SCLY: variants seen among roughly 807,000 people sequenced by gnomAD.
SCLY encodes selenocysteine lyase.
A neutral mutation model predicts 50.1 loss-of-function variants in SCLY; 38 were observed. The ratio of observed to expected loss-of-function variants is 0.76; its 90% CI spans 0.59 to 0.99. The LOEUF is 0.99. SCLY is among the 50% of genes least tolerant of loss of function. SCLY has a pLI of 0.00. For synonymous variants in SCLY, 243 were observed against 249.4 expected (o/e 0.97, Z 0.24); for missense variants, 600 against 620.0 (o/e 0.97, Z 0.34).
intron 8 of SCLY, chr2:238,091,560 G>GC: frequency 1.8e-4 from 57 of 313,322 alleles, no homozygotes; most frequent in South Asian, 3.6e-4. Flanking sequence ...CATTCCCAAA[G>GC]GCGTCGGCAG....
chr2:238,093,519 G>C (rs2065391179), intron 8 of SCLY: 1 of 313,660 alleles, frequency 3.2e-6, no homozygotes, highest in South Asian at 4.1e-5. Context: ...TTGGGCCTGC[G>C]AGGTGCCTTC....
At chr2:238,093,771 C>A in intron 8 of SCLY, 90 bp from the exon 9 acceptor site, 1 of 1,214,524 alleles carries the variant, frequency 8.2e-7, no homozygotes, top group South Asian at 1.3e-5. Context: ...TGAGCAGTTT[C>A]AGGAAATGCC....
chr2:238,073,938 A>T, intron 4 of SCLY: 1 of 311,940 alleles, frequency 3.2e-6, no homozygotes, highest in East Asian at 8.7e-5. Context: ...TATAATATAC[A>T]AAATATGTGT....
At chr2:238,091,540 GC>G in intron 8 of SCLY, 5 of 358,324 alleles carry the variant, frequency 1.4e-5, no homozygotes, top group South Asian at 8.7e-5. Context: ...GTGTCAAGCT[GC>G]AGGTTCACCA....
Position 238,064,458 on chromosome 2 carries a change from C to T in SCLY, c.191C>T (p.Pro64Leu), listed in dbSNP as rs769529884. Residue 64 changes from proline to leucine, a missense_variant, in exon 2 of 12, where the codon CCG becomes CTG. Transcript: ENST00000254663. ...GAAGCCTGGGGAAATCCCAGCAGCC[C>T]GTATTCAGCAGGTAATTCTAGAAGA... ...MWEAWGNPSSPYSAGRKAKDI... is the reference protein window; with the variant it reads ...MWEAWGNPSSLYSAGRKAKDI... 2.2e-5 allele frequency: 36 copies of T among 1,604,762 alleles called. No individual in the cohort carries two copies. Among genetic ancestry groups the T allele is most frequent in the Non-Finnish European group, 3.0e-5 (35 of 1,175,912 alleles).
chr2:238,069,208 C>A lies in SCLY; in HGVS notation c.304-89C>A. 8.2e-7 allele frequency: 1 copy of A among 1,222,810 alleles called. No individual in the cohort carries two copies. The highest frequency in any genetic ancestry group is 1.1e-6 in the Non-Finnish European group (1 of 883,180). 75.7% of individuals were successfully genotyped at this position (1,222,810 alleles called of 1,614,324 possible). A position where few individuals can be genotyped will look rare whatever the true frequency, so the allele number is the denominator to read the frequency against. On this transcript the variant is annotated intron_variant, in intron 3 of 11. Coordinates refer to ENST00000254663, the MANE Select transcript of SCLY (RefSeq NM_016510.7). The surrounding 1 kb of genome is among the most constrained non-coding windows in gnomAD (Gnocchi z 5.0). ...TCTTTGAAGCTTTTTTGATGTTAGC[C>A]ACAAAAGAAATTAAGTAACAGAAAT...
In SCLY at chr2:238,094,509, A is replaced by C; in HGVS notation, c.1095A>C (p.Gly365=). Reference sequence around the variant, plus strand: ...ATACCTGTAACTTTTCCATCCGGGGACCCCGGCTTCAAGGTGATGGCCCCT... The same window carrying C: ...ATACCTGTAACTTTTCCATCCGGGGCCCCCGGCTTCAAGGTGATGGCCCCT... ...LPNTCNFSIR[G]PRLQGHVVLA... is the part of the protein sequence containing the mutation. The change falls in exon 10 of 12, where the codon GGA becomes GGC. Residue 365 remains glycine, a synonymous_variant. Coordinates refer to ENST00000254663, the MANE Select transcript of SCLY (RefSeq NM_016510.7). 6.2e-7 allele frequency: 1 copy of C among 1,613,572 alleles called. No individual in the cohort carries two copies. Among genetic ancestry groups the C allele is most frequent in the Non-Finnish European group, 8.5e-7 (1 of 1,179,748 alleles).
intron 10 of SCLY, chr2:238,095,673 T>A (rs571552195): frequency 1.1e-4 from 16 of 152,366 alleles, no homozygotes; most frequent in African/African-American, 3.8e-4. Flanking sequence ...GTTCCCCTTG[T>A]TCTGGGGTCA....
Position 238,098,279 on chromosome 2 carries a change from G to A in SCLY, c.1262G>A (p.Ser421Asn), listed in dbSNP as rs752788709. The A allele has an allele frequency of 6.2e-7, 1 of 1,610,064 alleles. No homozygotes were observed. The highest frequency in any genetic ancestry group is 8.5e-7 in the Non-Finnish European group (1 of 1,179,664). Residue 421 changes from serine to asparagine, a missense_variant, in exon 12 of 12, where the codon AGC becomes AAC. Coordinates refer to ENST00000254663, the MANE Select transcript of SCLY (RefSeq NM_016510.7). ...RNALRLSVGR[S>N]TTRAEVDLVV... ...GCGCTCCGGCTCAGCGTGGGCCGCA[G>A]CACCACCAGGGCCGAGGTGGACCTC...
At position 238,093,910 on chromosome 2, in the gene SCLY, G is replaced by C; in HGVS notation, c.971G>C (p.Arg324Thr). ...TGCGAGGCTTATGAGGCCCACATGA[G>C]GGACGTCCGCGACTACCTGGAAGAG... ...QNCEAYEAHM[R>T]DVRDYLEERL... Residue 324 changes from arginine (R) to threonine (T), a missense_variant, in exon 9 of 12, where the codon AGG becomes ACG. Arg to Thr is a moderately conservative substitution (Grantham distance 71). Transcript: ENST00000254663. 1.2e-6 allele frequency: 2 copies of C among 1,614,012 alleles called. No homozygotes were observed. Among genetic ancestry groups the C allele is most frequent in the Non-Finnish European group, 1.7e-6 (2 of 1,180,012 alleles).
intron 1 of SCLY, chr2:238,061,432 C>T: frequency 1.8e-6 from 1 of 569,884 alleles, no homozygotes; most frequent in Non-Finnish European, 3.3e-6. Flanking sequence ...AGGAAGAGGG[C>T]ACAGCAGATG....
At chr2:238,084,839 A>G (rs2065275233) in intron 7 of SCLY, among the ~76,000 whole-genome samples, 1 of 148,606 alleles carries the variant, frequency 6.7e-6, no homozygotes, top group South Asian at 2.1e-4. Flanking sequence ...GGTTGCACTG[A>G]GTCGAGATCG....
chr2:238,093,723 A>C, intron 8 of SCLY, 138 bp from the exon 9 acceptor site: 1 of 789,294 alleles, frequency 1.3e-6, no homozygotes. Flanking sequence ...AAATGGCAGC[A>C]CTCAAAAAAT....
At chr2:238,062,943 A>G (rs1380538234) in intron 1 of SCLY, among the ~76,000 whole-genome samples, 2 of 152,210 alleles carry the variant, frequency 1.3e-5, no homozygotes, top group East Asian at 3.8e-4. Flanking sequence ...ATACAGATAA[A>G]TTTTACTTAG....
At chr2:238,087,654 TTATGAAGC>T (rs369759002) in intron 7 of SCLY, among the ~76,000 whole-genome samples, 272 of 152,306 alleles carry the variant, frequency 1.8e-3, no homozygotes, top group African/African-American at 6.3e-3. Context: ...CCAGTTCATT[TTATGAAGC>T]TAGTATTATC....
In SCLY at chr2:238,081,730, C is replaced by T. The variant is rs765578295; in HGVS notation, c.506C>T (p.Ser169Phe). ...QVAAVTFVPV[S>F]KVSGQAEVDD... ...CCAGCGGTCACCTTTGTCCCGGTGTCCAAGGTGAGCGGGCAGGCAGAGGTG... is the reference window on the plus strand; with the variant it reads ...CCAGCGGTCACCTTTGTCCCGGTGTTCAAGGTGAGCGGGCAGGCAGAGGTG... The change falls in exon 5 of 12, where the codon TCC (serine) becomes TTC (phenylalanine). Residue 169 changes from serine (S) to phenylalanine (F), a missense_variant. Transcript: ENST00000254663. 2 of 1,614,222 alleles carry T rather than the reference C, an allele frequency of 1.2e-6. No homozygotes were observed. The highest frequency in any genetic ancestry group is 1.7e-6 in the Non-Finnish European group (2 of 1,180,036).
In SCLY at chr2:238,067,373, A is replaced by G. The variant is rs535769270; in HGVS notation, c.203-692A>G. On this transcript the variant is annotated intron_variant, in intron 2 of 11. Coordinates refer to ENST00000254663, the MANE Select transcript of SCLY (RefSeq NM_016510.7). This position sits in a 1 kb window ranked among gnomAD's most constrained non-coding sequence, Gnocchi z 4.3. ...CTGCTCAATTTTTTCTTATTTTTAA[A>G]TAAGACTGAATGGTCAAAAAAGTTT... Among the ~76,000 whole-genome samples, 1 of 152,338 alleles carries G rather than the reference A, an allele frequency of 6.6e-6. No individual in the cohort carries two copies. Among genetic ancestry groups the G allele is most frequent in the South Asian group, 2.1e-4 (1 of 4,824 alleles).
At chr2:238,074,554 GC>G (rs1162047386) in intron 4 of SCLY, among the ~76,000 whole-genome samples, 1 of 152,118 alleles carries the variant, frequency 6.6e-6, no homozygotes, top group Non-Finnish European at 1.5e-5. Context: ...AGTGATCTTG[GC>G]TGACTGCAAC....
Position 238,067,642 on chromosome 2 carries a change from G to A in SCLY, c.203-423G>A, listed in dbSNP as rs1485305036. 1.3e-5 allele frequency among the ~76,000 whole-genome samples: 2 copies of A among 152,216 alleles called. No individual in the cohort carries two copies. Among genetic ancestry groups the A allele is most frequent in the African/African-American group, 4.8e-5 (2 of 41,456 alleles). ...GAGATATGGCACTGGACTTCGCGTC[G>A]AGTCATGAGTTCTGTTTTTGCTTAT... On this transcript the variant is annotated intron_variant, in intron 2 of 11. Coordinates refer to ENST00000254663, the MANE Select transcript of SCLY (RefSeq NM_016510.7). The surrounding 1 kb of genome is among the most constrained non-coding windows in gnomAD (Gnocchi z 4.3).
Sources: gnomAD v4.1 joint callset for allele counts (sites outside exome capture counted in the v4.1 genomes callset) on GRCh38, gnomAD v4.1.1 for gene constraint, Gnocchi (gnomAD v3.1) non-coding constraint, MANE v1.5 for transcripts, NCBI Gene and HGNC (gene_info 2026-07-23, HGNC 2026-07-21) for gene names.